The following FAM135B variants were observed in gnomAD, a reference collection of about 807,000 sequenced individuals.
FAM135B encodes the protein family with sequence similarity 135 member B.
A neutral mutation model predicts 127.7 loss-of-function variants in FAM135B; 43 were observed. That is an observed-to-expected ratio of 0.34 (90% CI 0.26 to 0.43). The LOEUF is 0.43. Among genes scored for constraint, FAM135B ranks in the 20% least tolerant of loss-of-function variants. The pLI, the probability that FAM135B is intolerant of heterozygous loss-of-function variation, is 1.00. For synonymous variants in FAM135B, 670 were observed against 665.1 expected (o/e 1.01, Z -0.11); for missense variants, 1,558 against 1,725.6 (o/e 0.90, Z 1.72).
At chr8:138,188,824 C>T (rs1563747367) in intron 9 of FAM135B, among the ~76,000 whole-genome samples, 1 of 152,142 alleles carries the variant, frequency 6.6e-6, no homozygotes, top group African/African-American at 2.4e-5. Flanking sequence ...GCAACCTAGC[C>T]TCCTCTCTCA....
chr8:138,375,369 GTCTC>G (rs1179065772), intron 1 of FAM135B, among the ~76,000 whole-genome samples: 5 of 152,066 alleles, frequency 3.3e-5, no homozygotes, highest in African/African-American at 9.7e-5. Context: ...AGCCTCTATA[GTCTC>G]TCTCTGTGTG....
intron 1 of FAM135B, among the ~76,000 whole-genome samples, chr8:138,414,205 T>C (rs1271940728): frequency 6.6e-6 from 1 of 150,658 alleles, no homozygotes; most frequent in Non-Finnish European, 1.5e-5. Flanking sequence ...ACCTAAATAA[T>C]GAATATAGAG....
intron 18 of FAM135B, among the ~76,000 whole-genome samples, chr8:138,138,294 C>T (rs1401852279): frequency 6.6e-6 from 1 of 152,244 alleles, no homozygotes; most frequent in African/African-American, 2.4e-5. Flanking sequence ...CCCGTGGCTA[C>T]ACCAGATTCA....
At position 138,403,903 on chromosome 8, in the gene FAM135B, G is replaced by A. The variant is rs760667591; in HGVS notation, c.-19-35901C>T. 6.6e-5 allele frequency among the ~76,000 whole-genome samples: 10 copies of A among 152,328 alleles called. No individual in the cohort carries two copies. The South Asian group carries it at 1.5e-3, about 22-fold the overall frequency. On this transcript the variant is annotated intron_variant, in intron 1 of 19. Coordinates refer to ENST00000395297, the MANE Select transcript of FAM135B (RefSeq NM_015912.4). ...TTTTTAATTTTCAATACTGGAGGGA[G>A]CCATCAGCATTTAGTGTGTAGAAGA...
intron 3 of FAM135B, among the ~76,000 whole-genome samples, chr8:138,294,470 T>C (rs1427580525): frequency 2.0e-5 from 3 of 152,058 alleles, no homozygotes; most frequent in Non-Finnish European, 4.4e-5. Context: ...TATACCTCAA[T>C]AAAGCTAGAA....
intron 1 of FAM135B, among the ~76,000 whole-genome samples, chr8:138,408,314 A>G (rs1833652705): frequency 2.0e-5 from 3 of 152,166 alleles, no homozygotes; most frequent in Non-Finnish European, 4.4e-5. Context: ...TAGATCTTCT[A>G]ACTTCTAACT....
intron 1 of FAM135B, among the ~76,000 whole-genome samples, chr8:138,475,021 A>C (rs1297904452): frequency 4.6e-5 from 7 of 152,184 alleles, no homozygotes; most frequent in Admixed American, 2.6e-4. Flanking sequence ...TTTGGGACAA[A>C]ACCTTGTGCT....
rs553823448 is a variant in FAM135B at position 138,495,627 on chromosome 8, G to A, written c.-20+1044C>T. Reference sequence around the variant, plus strand: ...CAGAGGCCTACTTACCTACATGCACGAACTTTCAGACCCTAATTATTCACA... The same window carrying A: ...CAGAGGCCTACTTACCTACATGCACAAACTTTCAGACCCTAATTATTCACA... On this transcript the variant is annotated intron_variant, in intron 1 of 19. Coordinates refer to ENST00000395297, the MANE Select transcript of FAM135B (RefSeq NM_015912.4). Among the ~76,000 whole-genome samples, 7 of 152,244 alleles carry A rather than the reference G, an allele frequency of 4.6e-5. No individual in the cohort carries two copies. The East Asian group carries it at 1.4e-3, about 29-fold the overall frequency.
chr8:138,163,889 C>T lies in FAM135B; in HGVS notation c.1258+4006G>A, dbSNP rs139163605. Among the ~76,000 whole-genome samples, 20 of 152,240 alleles carry T rather than the reference C, an allele frequency of 1.3e-4. No homozygotes were observed. In the East Asian group the frequency reaches 3.9e-3, roughly 30 times the overall value. On this transcript the variant is annotated intron_variant, in intron 12 of 19. Transcript: ENST00000395297. ...CAGGCTGGAGTTCAGTGACAGGAGG[C>T]ACGGTCACAGCTCACTGTAGCCTCA...
rs1224559701 is a variant in FAM135B, at chr8:138,152,916, G to A, written c.1559C>T (p.Thr520Ile). Reference sequence around the variant, plus strand: ...TGTCCCAGCATCAGATGTTTGGCCAGTCCAACATTCATCTTCAGGCACACC... The same window carrying A: ...TGTCCCAGCATCAGATGTTTGGCCAATCCAACATTCATCTTCAGGCACACC... ...KAGVPEDECW[T>I]GQTSDAGTYP... The change falls in exon 13 of 20, where the codon ACT (threonine) becomes ATT (isoleucine). Residue 520 changes from threonine (T) to isoleucine (I), a missense_variant. Coordinates refer to ENST00000395297, the MANE Select transcript of FAM135B (RefSeq NM_015912.4). The A allele has an allele frequency of 6.2e-7, 1 of 1,614,210 alleles. No homozygotes were observed. Among genetic ancestry groups the A allele is most frequent in the Admixed American group, 1.7e-5 (1 of 60,030 alleles).
At chr8:138,148,339 CAG>C (rs1490789721) in intron 14 of FAM135B, among the ~76,000 whole-genome samples, 179 bp downstream of exon 14, 1 of 152,064 alleles carries the variant, frequency 6.6e-6, no homozygotes, top group African/African-American at 2.4e-5. Flanking sequence ...TTTTTTGTGA[CAG>C]AGAGATATTT....
chr8:138,231,218 G>A (rs1329146976), intron 7 of FAM135B, among the ~76,000 whole-genome samples: 1 of 151,968 alleles, frequency 6.6e-6, no homozygotes, highest in East Asian at 1.9e-4. Flanking sequence ...ACAGGGTTTT[G>A]TCTTGTTGGC....
chr8:138,461,807 C>T (rs761728738), intron 1 of FAM135B, among the ~76,000 whole-genome samples: 1 of 152,068 alleles, frequency 6.6e-6, no homozygotes, highest in Non-Finnish European at 1.5e-5. Context: ...TGGCACTGTC[C>T]CTTGATTTCT....
chr8:138,148,768 G>C, intron 13 of FAM135B, 82 bp from the exon 14 acceptor site: 5 of 1,077,148 alleles, frequency 4.6e-6, no homozygotes, highest in East Asian at 2.5e-5. Context: ...TATGTAGAAG[G>C]GCTGAGCACC....
rs879885564 is a variant in FAM135B, at chr8:138,218,791, AGAGAGAGAGAGAGG to A, written c.670-21136_670-21123del. ...CAGAGAGAGAGAGAGAGAGAGAGAG[AGAGAGAGAGAGAGG>A]GAGAGAAAGAGAGAGAGAGAGATTT... is the stretch of plus-strand genomic sequence containing the variant. On this transcript the variant is annotated intron_variant, in intron 7 of 19. Transcript: ENST00000395297. 5.3e-3 allele frequency among the ~76,000 whole-genome samples: 564 copies of A among 106,520 alleles called. 2 individuals carry two copies. Among genetic ancestry groups the A allele is most frequent in the South Asian group, 0.035 (89 of 2,576 alleles). 69.9% of individuals were successfully genotyped at this position (106,520 alleles called of 152,430 possible). A position where few individuals can be genotyped will look rare whatever the true frequency, so the allele number is the denominator to read the frequency against.
At chr8:138,231,655 C>T (rs1475655499) in intron 7 of FAM135B, among the ~76,000 whole-genome samples, 1 of 152,120 alleles carries the variant, frequency 6.6e-6, no homozygotes, top group Admixed American at 6.5e-5. Flanking sequence ...AAGTGTTGGA[C>T]ACAGTCAGAT....
chr8:138,343,238 A>G (rs1364237254), intron 2 of FAM135B, among the ~76,000 whole-genome samples: 2 of 152,212 alleles, frequency 1.3e-5, no homozygotes, highest in African/African-American at 4.8e-5. Flanking sequence ...GAGCTGTTCA[A>G]TGGGGGAATT....
At chr8:138,273,434 G>A (rs1448799479) in intron 3 of FAM135B, among the ~76,000 whole-genome samples, 1 of 152,166 alleles carries the variant, frequency 6.6e-6, no homozygotes, top group African/African-American at 2.4e-5. Flanking sequence ...TCAGACTCCT[G>A]ACCTCGTGAT....
intron 3 of FAM135B, among the ~76,000 whole-genome samples, chr8:138,286,315 G>A (rs922825748): frequency 2.0e-5 from 3 of 152,186 alleles, no homozygotes; most frequent in African/African-American, 7.2e-5. Context: ...TGGACCCCTG[G>A]GTCAGGTTAG....
Sources: gnomAD v4.1 joint callset for allele counts (sites outside exome capture counted in the v4.1 genomes callset) on GRCh38, gnomAD v4.1.1 for gene constraint, MANE v1.5 for transcripts, NCBI Gene and HGNC (gene_info 2026-07-23, HGNC 2026-07-21) for gene names.